The following MICU1 variants were observed in gnomAD, a reference collection of about 807,000 sequenced individuals.
The protein encoded by MICU1 is mitochondrial calcium uptake 1.
Under a neutral mutation model 56.8 loss-of-function variants are expected in MICU1, and 45 were observed. The observed-to-expected ratio is 0.79, with a 90% CI of 0.62 to 1.02. MICU1 has a LOEUF of 1.02. Ranked by LOEUF, MICU1 falls within the 50% of genes least tolerant of loss-of-function variation. The probability of loss-of-function intolerance (pLI) is 0.00; values close to 1 mark genes in which losing one functional copy is unlikely to be tolerated. For missense variants in MICU1, 504 were observed against 587.1 expected, an observed-to-expected ratio of 0.86 and a Z score of 1.46; for synonymous variants, 186 against 195.1, an observed-to-expected ratio of 0.95 and a Z score of 0.39.
chr10:72,403,355 CA>C (rs907809861), intron 10 of MICU1, among the ~76,000 whole-genome samples: 24 of 146,930 alleles, frequency 1.6e-4, no homozygotes, highest in East Asian at 4.0e-4. Flanking sequence ...AACTCTGTCT[CA>C]AAAAAAAAAA....
At chr10:72,602,544 A>C (rs1384709665) in intron 1 of MICU1, among the ~76,000 whole-genome samples, 1 of 152,222 alleles carries the variant, frequency 6.6e-6, no homozygotes, top group African/African-American at 2.4e-5. Context: ...TTAGGATACA[A>C]TACGCTTTGT....
At chr10:72,485,489 A>G (rs1866439537) in intron 6 of MICU1, among the ~76,000 whole-genome samples, 1 of 151,882 alleles carries the variant, frequency 6.6e-6, no homozygotes, top group Admixed American at 6.6e-5. Context: ...CCAGGATTAT[A>G]TATATAACCC....
intron 2 of MICU1, among the ~76,000 whole-genome samples, chr10:72,564,544 G>GAAAAAA (rs11465166): frequency 0.018 from 1,925 of 105,830 alleles, 1 homozygote; most frequent in Non-Finnish European, 0.024. Flanking sequence ...ATCTCAAAAA[G>GAAAAAA]AAAAAAAAAA....
In MICU1 at chr10:72,528,962, T is replaced by C. The variant is rs144729361; in HGVS notation, c.537+4784A>G. ...CCTAGTAAAAGAGAATGTAGTAATA[T>C]TAAAGCTTTGATTTTCAACTATGAC... is the stretch of plus-strand genomic sequence containing the variant. On this transcript the variant is annotated intron_variant, in intron 5 of 11. Transcript: ENST00000361114. 2.3e-3 allele frequency among the ~76,000 whole-genome samples: 343 copies of C among 152,328 alleles called. 3 individuals carry two copies. The highest frequency in any genetic ancestry group is 7.7e-3 in the African/African-American group (319 of 41,580).
chr10:72,473,814 A>T (rs968192973), intron 8 of MICU1, among the ~76,000 whole-genome samples: 1 of 152,152 alleles, frequency 6.6e-6, no homozygotes, highest in Non-Finnish European at 1.5e-5. Context: ...CATATATAAG[A>T]ATCTTGGGGA....
At chr10:72,417,248 C>T (rs574947897) in intron 9 of MICU1, among the ~76,000 whole-genome samples, 76 of 152,010 alleles carry the variant, frequency 5.0e-4, no homozygotes, top group Non-Finnish European at 7.5e-4. Flanking sequence ...GTCAGGAGAT[C>T]GAGACCATCC....
At chr10:72,615,095 T>C (rs1001548745) in intron 1 of MICU1, among the ~76,000 whole-genome samples, 9 of 99,238 alleles carry the variant, frequency 9.1e-5, no homozygotes, top group Non-Finnish European at 1.5e-4. Flanking sequence ...TGTGGTGTGG[T>C]TTTGTGTTTG....
chr10:72,529,651 A>G (rs970414637), intron 5 of MICU1, among the ~76,000 whole-genome samples: 3 of 152,146 alleles, frequency 2.0e-5, no homozygotes, highest in Non-Finnish European at 4.4e-5. Context: ...GAAGGAAAAA[A>G]GGGGTAAGAG....
In MICU1 at chr10:72,592,333, AAAG is replaced by A. The variant is rs1333892779; in HGVS notation, c.-1-25542_-1-25540del. On this transcript the variant is annotated intron_variant, in intron 1 of 11. Transcript: ENST00000361114. The stretch of plus-strand genomic sequence containing the variant: ...TGAGACCCTGTTTCAAGGAAAAAAA[AAAG>A]AATTCTCCCAACAAAGAAAATTCCT... Among the ~76,000 whole-genome samples, 6 of 152,168 alleles carry A rather than the reference AAAG, an allele frequency of 3.9e-5. No homozygotes were observed. The East Asian group carries it at 7.8e-4, about 20-fold the overall frequency.
chr10:72,521,902 T>C (rs143789757), intron 5 of MICU1, among the ~76,000 whole-genome samples: 1 of 152,198 alleles, frequency 6.6e-6, no homozygotes, highest in Non-Finnish European at 1.5e-5. Context: ...CTTACTCAAA[T>C]GCATATTTCA....
chr10:72,565,154 A>G (rs1489005307), intron 2 of MICU1, among the ~76,000 whole-genome samples: 2 of 151,718 alleles, frequency 1.3e-5, no homozygotes, highest in Non-Finnish European at 2.9e-5. Context: ...TACCCAAAGG[A>G]TCATACATCA....
chr10:72,587,570 G>A (rs1410530127), intron 1 of MICU1, among the ~76,000 whole-genome samples: 1 of 151,410 alleles, frequency 6.6e-6, no homozygotes, highest in South Asian at 2.1e-4. Context: ...AGGAGTTCAA[G>A]ATCAGCCTGA....
intron 6 of MICU1, among the ~76,000 whole-genome samples, chr10:72,495,655 C>CAAAAAA (rs758909513): frequency 1.2e-5 from 1 of 85,424 alleles, no homozygotes; most frequent in East Asian, 5.6e-4. Flanking sequence ...ACCTCTGTCT[C>CAAAAAA]AAAAAAAAAA....
intron 8 of MICU1, among the ~76,000 whole-genome samples, chr10:72,431,094 G>GTCTATCTAACTA (rs1864513445): frequency 7.1e-6 from 1 of 141,316 alleles, no homozygotes; most frequent in Non-Finnish European, 1.5e-5. Flanking sequence ...TTATCTGTCT[G>GTCTATCTAACTA]TCTATCTATC....
chr10:72,537,048 A>C (rs1050004443), intron 4 of MICU1, among the ~76,000 whole-genome samples: 1 of 152,322 alleles, frequency 6.6e-6, no homozygotes, highest in African/African-American at 2.4e-5. Flanking sequence ...TATGCTCTTC[A>C]TTATATTAAA....
At chr10:72,413,966 A>T (rs1207773381) in intron 9 of MICU1, among the ~76,000 whole-genome samples, 1 of 152,220 alleles carries the variant, frequency 6.6e-6, no homozygotes, top group Non-Finnish European at 1.5e-5. Flanking sequence ...TGTAATAAAG[A>T]AGACAGACAA....
At chr10:72,415,200 G>C (rs1273907576) in intron 9 of MICU1, among the ~76,000 whole-genome samples, 1 of 152,020 alleles carries the variant, frequency 6.6e-6, no homozygotes, top group Non-Finnish European at 1.5e-5. Context: ...TATTTTTGTA[G>C]AGATGTGCTT....
At chr10:72,560,851 C>T (rs1840279077) in intron 3 of MICU1, among the ~76,000 whole-genome samples, 1 of 152,028 alleles carries the variant, frequency 6.6e-6, no homozygotes, top group Admixed American at 6.5e-5. Context: ...GCCTGGGCGA[C>T]AGACCGAGAC....
At chr10:72,431,086 ATCTGTCTG>A (rs1236344733) in intron 8 of MICU1, among the ~76,000 whole-genome samples, 1 of 136,750 alleles carries the variant, frequency 7.3e-6, no homozygotes, top group African/African-American at 2.7e-5. Flanking sequence ...ATATACCTTT[ATCTGTCTG>A]TCTATCTATC....
Sources: allele counts gnomAD v4.1 joint callset (sites outside exome capture counted in the v4.1 genomes callset), GRCh38; gene constraint gnomAD v4.1.1; transcripts MANE v1.5; gene names NCBI Gene and HGNC (gene_info 2026-07-23, HGNC 2026-07-21).